Variants in NCOR2 observed in about 807,000 individuals in gnomAD.
NCOR2 encodes the protein nuclear receptor corepressor 2.
Under a neutral mutation model 262.9 loss-of-function variants are expected in NCOR2, and 81 were observed. The observed-to-expected ratio is 0.31, with a 90% CI of 0.26 to 0.37. NCOR2 has a LOEUF of 0.37. Among genes scored for constraint, NCOR2 ranks in the 10% least tolerant of loss-of-function variants. The probability of loss-of-function intolerance (pLI) is 1.00; values close to 1 mark genes in which losing one functional copy is unlikely to be tolerated. For missense variants in NCOR2, 3,385 were observed against 3,621.4 expected (o/e 0.93, Z 1.68); for synonymous variants, 1,659 against 1,559.3 (o/e 1.06, Z -1.51).
In NCOR2 at chr12:124,378,482, G is replaced by T; in HGVS notation, c.2020-98C>A. ...CCTCGCCGCAGGTGCAAAGGGCAGT[G>T]ATCCCGGCCATGTAGCAATGAGGGT... is the stretch of plus-strand genomic sequence containing the variant. On this transcript the variant is annotated intron_variant, in intron 17 of 46. Coordinates refer to ENST00000405201, the Ensembl canonical transcript of NCOR2. The surrounding 1 kb of genome is among the most constrained non-coding windows in gnomAD (Gnocchi z 4.2). 7.9e-7 allele frequency: 1 copy of T among 1,265,520 alleles called. No homozygotes were observed. The highest frequency in any genetic ancestry group is 1.1e-6 in the Non-Finnish European group (1 of 934,110). 78.4% of individuals were successfully genotyped at this position (1,265,520 alleles called of 1,614,324 possible). A position where few individuals can be genotyped will look rare whatever the true frequency, so the allele number is the denominator to read the frequency against.
intron 11 of NCOR2, among the ~76,000 whole-genome samples, chr12:124,422,779 C>A (rs921950101): frequency 3.3e-5 from 5 of 152,250 alleles, no homozygotes; most frequent in African/African-American, 1.2e-4. Flanking sequence ...GAGTCACTGG[C>A]TTTAGCGCCT....
In NCOR2 at chr12:124,482,810, C is replaced by CCTCAGGCCTGG. The variant is rs2047567090; in HGVS notation, c.411+785_411+786insCCAGGCCTGAG. ...CTGGCTCCCCTGCCCAAAGTGCATCCGTGGTCCCTCAGGCCTGGGTGGCTG... is the reference window on the plus strand; with the variant it reads ...CTGGCTCCCCTGCCCAAAGTGCATCCCTCAGGCCTGGGTGGTCCCTCAGGCCTGGGTGGCTG... On this transcript the variant is annotated intron_variant, in intron 3 of 46. Transcript: ENST00000405201. This position sits in a 1 kb window ranked among gnomAD's most constrained non-coding sequence, Gnocchi z 6.3. Among the ~76,000 whole-genome samples, 1 of 152,172 alleles carries CCTCAGGCCTGG rather than the reference C, an allele frequency of 6.6e-6. No homozygotes were observed.
chr12:124,479,291 C>A (rs2047276799), intron 3 of NCOR2, among the ~76,000 whole-genome samples: 2 of 152,044 alleles, frequency 1.3e-5, no homozygotes, highest in African/African-American at 4.8e-5. Context: ...TACACACATG[C>A]ACACTCACGC....
intron 7 of NCOR2, among the ~76,000 whole-genome samples, chr12:124,448,577 C>T (rs2045329494): frequency 6.6e-6 from 1 of 152,158 alleles, no homozygotes; most frequent in African/African-American, 2.4e-5. Flanking sequence ...TTGTCAGGTG[C>T]TCCTGAACCC....
intron 37 of NCOR2, chr12:124,337,466 A>T: frequency 1.6e-6 from 1 of 635,314 alleles, no homozygotes; most frequent in Non-Finnish European, 2.9e-6. Context: ...AAACGGATGC[A>T]AGCATCTTAC....
At chr12:124,501,497 G>C (rs1023952356) in intron 1 of NCOR2, among the ~76,000 whole-genome samples, 4 of 151,614 alleles carry the variant, frequency 2.6e-5, no homozygotes, top group African/African-American at 9.7e-5. Context: ...GGGGGCTCTG[G>C]GGGAGGCCCT....
rs2045758466 is a variant in NCOR2 at position 124,454,984 on chromosome 12, G to A, written c.762+2122C>T. Among the ~76,000 whole-genome samples, 1 of 152,140 alleles carries A rather than the reference G, an allele frequency of 6.6e-6. No individual in the cohort carries two copies. Among genetic ancestry groups the A allele is most frequent in the African/African-American group, 2.4e-5 (1 of 41,430 alleles). On this transcript the variant is annotated intron_variant, in intron 6 of 46. Transcript: ENST00000405201. The surrounding 1 kb of genome is among the most constrained non-coding windows in gnomAD (Gnocchi z 5.6). ...TGATTCAGCCACAAAAAGGAACGAA[G>A]GACCGACCCACGCTCGACACGGATG... is the stretch of plus-strand genomic sequence containing the variant.
intron 1 of NCOR2, among the ~76,000 whole-genome samples, chr12:124,562,585 G>C (rs754058821): frequency 9.9e-5 from 15 of 152,134 alleles, no homozygotes; most frequent in Non-Finnish European, 1.8e-4. Flanking sequence ...CCAAGTGCCT[G>C]ACAGACACTA....
At chr12:124,422,688 GC>G (rs1413648405) in intron 11 of NCOR2, 133 bp from the exon 14 acceptor site, 134 of 913,514 alleles carry the variant, frequency 1.5e-4, no homozygotes, top group Non-Finnish European at 1.8e-4. Flanking sequence ...GAGCAATTAA[GC>G]CCAGGGGGGT....
In NCOR2 at chr12:124,533,289, G is replaced by A. The variant is rs192030820; in HGVS notation, c.-118+2276C>T. Among the ~76,000 whole-genome samples the A allele has an allele frequency of 6.3e-4, 96 of 152,076 alleles. 1 individual carries two copies. Among genetic ancestry groups the A allele is most frequent in the African/African-American group, 2.0e-3 (84 of 41,476 alleles). Reference sequence around the variant, plus strand: ...CTCCCCCGAGGTAACTCAGAATCGCGCAACCCGGGAGGCCCATTCCAAGCT... The same window carrying A: ...CTCCCCCGAGGTAACTCAGAATCGCACAACCCGGGAGGCCCATTCCAAGCT... On this transcript the variant is annotated intron_variant, in intron 1 of 46. Transcript: ENST00000404621.
chr12:124,334,480 C>G, exon 41 of NCOR2: 1 of 1,463,338 alleles, frequency 6.8e-7, no homozygotes, highest in South Asian at 1.4e-5. Context: ...GGTCCGGGGG[C>G]GGGAGGTAGA....
intron 22 of NCOR2, among the ~76,000 whole-genome samples, chr12:124,358,414 ATGTGTGTGCGCCTG>A (rs1484508488): frequency 6.6e-6 from 1 of 151,908 alleles, no homozygotes; most frequent in Non-Finnish European, 1.5e-5. Context: ...GAGTGCATGG[ATGTGTGTGCGCCTG>A]TGTGTGTGTG....
Position 124,390,783 on chromosome 12 carries a change from C to T in NCOR2, c.1877-4896G>A, listed in dbSNP as rs914225338. Among the ~76,000 whole-genome samples the T allele has an allele frequency of 5.3e-5, 8 of 152,366 alleles. No homozygotes were observed. In the East Asian group the frequency reaches 1.5e-3, roughly 29 times the overall value. The stretch of plus-strand genomic sequence containing the variant: ...GAGATGGCAGATTCTGCCACCATGC[C>T]CTGTGGTCTGGATTCCCCGACCCCA... On this transcript the variant is annotated intron_variant, in intron 16 of 46. Coordinates refer to ENST00000405201, the Ensembl canonical transcript of NCOR2.
In NCOR2 at chr12:124,354,089, C is replaced by G; in HGVS notation, c.3693+4G>C. The stretch of plus-strand genomic sequence containing the variant: ...TCCTTCCTGCCGCACCCCAGGACAC[C>G]TACGTGGGTGATGGAGCCGCGGTAT... On this transcript the variant is annotated splice_donor_region_variant and intron_variant, in intron 27 of 46. Transcript: ENST00000405201. 6.2e-7 allele frequency: 1 copy of G among 1,607,222 alleles called. No homozygotes were observed. The highest frequency in any genetic ancestry group is 8.5e-7 in the Non-Finnish European group (1 of 1,178,630).
chr12:124,422,567 G>C lies in NCOR2; in HGVS notation c.1329-12C>G, dbSNP rs1439653965. 1 of 1,613,704 alleles carries C rather than the reference G, an allele frequency of 6.2e-7. No individual in the cohort carries two copies. The highest frequency in any genetic ancestry group is 1.7e-5 in the Admixed American group (1 of 60,004). On this transcript the variant is annotated splice_polypyrimidine_tract_variant and intron_variant, in intron 11 of 46. Coordinates refer to ENST00000405201, the Ensembl canonical transcript of NCOR2. ...GATGCTGCATGAACCTGCGGGACGAGAAGGGTGGGCGTGAGACCTGGCCGA... is the reference window on the plus strand; with the variant it reads ...GATGCTGCATGAACCTGCGGGACGACAAGGGTGGGCGTGAGACCTGGCCGA...
intron 13 of NCOR2, among the ~76,000 whole-genome samples, chr12:124,409,612 T>A: frequency 6.6e-6 from 1 of 152,038 alleles, no homozygotes; most frequent in East Asian, 1.9e-4. Context: ...GGACCTTGTT[T>A]GCCCTTTTTT....
rs71306301 is a variant in NCOR2, at chr12:124,490,634, C to CG, written c.106-4067_106-4066insC. ...ATGAAGCTAATGGAGAGACCCCCCC[C>CG]AGGGCACTCAGGACACTGCAAAGCC... is the stretch of plus-strand genomic sequence containing the variant. On this transcript the variant is annotated intron_variant, in intron 1 of 46. Transcript: ENST00000405201. Among the ~76,000 whole-genome samples the CG allele has an allele frequency of 1.0e-3, 158 of 152,314 alleles. 1 individual carries two copies. The highest frequency in any genetic ancestry group is 3.4e-3 in the Middle Eastern group (1 of 294).
exon 34 of NCOR2, chr12:124,341,974 C>T: frequency 6.2e-7 from 1 of 1,613,340 alleles, no homozygotes; most frequent in Non-Finnish European, 8.5e-7. Context: ...GCCGGTTCTC[C>T]AGCGCCGCCG....
At chr12:124,392,564 G>A (rs2041383556) in intron 16 of NCOR2, among the ~76,000 whole-genome samples, 1 of 152,178 alleles carries the variant, frequency 6.6e-6, no homozygotes, top group Non-Finnish European at 1.5e-5. Flanking sequence ...TAGCCGGGCA[G>A]ACCCAAACCC....
Sources: allele counts gnomAD v4.1 joint callset (sites outside exome capture counted in the v4.1 genomes callset), GRCh38; gene constraint gnomAD v4.1.1; non-coding constraint Gnocchi (gnomAD v3.1); transcripts MANE v1.5; gene names NCBI Gene and HGNC (gene_info 2026-07-23, HGNC 2026-07-21).